The following EXOC4 variants were observed in gnomAD, a reference collection of about 807,000 sequenced individuals.
EXOC4 encodes the protein SEC8-like 1.
A neutral mutation model predicts 107.2 loss-of-function variants in EXOC4; 71 were observed. The ratio of observed to expected loss-of-function variants is 0.66; its 90% CI spans 0.55 to 0.81. EXOC4 has a LOEUF of 0.81. EXOC4 is among the 30% of genes least tolerant of loss of function. EXOC4 has a pLI of 0.00. For missense variants in EXOC4, 1,108 were observed against 1,189.6 expected, an observed-to-expected ratio of 0.93 and a Z score of 1.01; for synonymous variants, 456 against 441.2, an observed-to-expected ratio of 1.03 and a Z score of -0.42.
At chr7:133,561,991 G>T (rs528082086) in intron 9 of EXOC4, among the ~76,000 whole-genome samples, 1 of 152,150 alleles carries the variant, frequency 6.6e-6, no homozygotes, top group Admixed American at 6.5e-5. Flanking sequence ...TAATATTAGT[G>T]TTTTTGTCTT....
chr7:133,418,912 A>C (rs1797539176), intron 7 of EXOC4, among the ~76,000 whole-genome samples: 1 of 152,188 alleles, frequency 6.6e-6, no homozygotes, highest in South Asian at 2.1e-4. Context: ...AAAAATGAAA[A>C]AGTCAATGGA....
intron 9 of EXOC4, among the ~76,000 whole-genome samples, chr7:133,513,699 G>C (rs374446590): frequency 6.6e-6 from 1 of 152,148 alleles, no homozygotes; most frequent in African/African-American, 2.4e-5. Context: ...TCTTTCTTTT[G>C]GAGTTAGAAA....
chr7:133,778,738 A>G (rs1198894115), intron 10 of EXOC4, among the ~76,000 whole-genome samples: 2 of 152,262 alleles, frequency 1.3e-5, no homozygotes, highest in Admixed American at 6.5e-5. Flanking sequence ...AGAAGAAACA[A>G]TGCTCAAGCA....
At chr7:134,083,678 C>T in the EXOC4 span, among the ~76,000 whole-genome samples, 1 of 152,126 alleles carries the variant, frequency 6.6e-6, no homozygotes, top group Non-Finnish European at 1.5e-5. Context: ...TAAATGGTGA[C>T]TCAGGGCTCT....
At chr7:133,273,654 A>G (rs1237192624) in intron 1 of EXOC4, among the ~76,000 whole-genome samples, 1 of 152,184 alleles carries the variant, frequency 6.6e-6, no homozygotes, top group Non-Finnish European at 1.5e-5. Context: ...TTCCCTATAA[A>G]TTGGAAAAGA....
At chr7:133,435,685 C>T (rs752772876) in intron 7 of EXOC4, among the ~76,000 whole-genome samples, 3 of 152,052 alleles carry the variant, frequency 2.0e-5, no homozygotes, top group Non-Finnish European at 4.4e-5. Context: ...CCTAAAACAC[C>T]TTTATTGTAG....
chr7:133,832,621 A>G (rs1585184120), intron 11 of EXOC4, among the ~76,000 whole-genome samples: 1 of 152,202 alleles, frequency 6.6e-6, no homozygotes, highest in East Asian at 1.9e-4. Context: ...ATGGCTTTTC[A>G]CGACTTGATA....
intron 11 of EXOC4, among the ~76,000 whole-genome samples, chr7:133,820,520 T>G (rs1486782168): frequency 6.6e-6 from 1 of 152,202 alleles, no homozygotes; most frequent in East Asian, 1.9e-4. Flanking sequence ...GAATAAGAAA[T>G]AATTCTCAAA....
rs567078196 is a variant in EXOC4 at position 133,427,361 on chromosome 7, T to C, written c.1183-47967T>C. On this transcript the variant is annotated intron_variant, in intron 7 of 17. Transcript: ENST00000253861. ...AAGGCTCAGGCATTGACATCACCTC[T>C]ATACGTTTTCATCAACAACTCTGAC... 3.3e-5 allele frequency among the ~76,000 whole-genome samples: 5 copies of C among 152,338 alleles called. No homozygotes were observed. In the East Asian group the frequency reaches 9.6e-4, roughly 29 times the overall value.
chr7:133,426,315 C>G (rs1262649168), intron 7 of EXOC4, among the ~76,000 whole-genome samples: 2 of 152,142 alleles, frequency 1.3e-5, no homozygotes, highest in Non-Finnish European at 1.5e-5. Context: ...GCAGCTGGCT[C>G]TGAATCTGTT....
intron 13 of EXOC4, among the ~76,000 whole-genome samples, chr7:133,923,489 C>G (rs1799984503): frequency 1.3e-5 from 2 of 152,118 alleles, no homozygotes; most frequent in African/African-American, 4.8e-5. Flanking sequence ...ATTTAATATG[C>G]ATTTATCTCT....
chr7:133,299,835 C>T (rs1390516684), intron 3 of EXOC4, among the ~76,000 whole-genome samples: 4 of 152,268 alleles, frequency 2.6e-5, no homozygotes, highest in Admixed American at 1.3e-4. Flanking sequence ...TACCTAATAT[C>T]GCCTCATTTA....
At chr7:133,312,700 AT>A (rs1177506027) in intron 4 of EXOC4, among the ~76,000 whole-genome samples, 8 of 151,950 alleles carry the variant, frequency 5.3e-5, no homozygotes, top group Non-Finnish European at 1.2e-4. Flanking sequence ...ACAGACACTC[AT>A]TTTTAAATTT....
chr7:134,073,408 T>C, the EXOC4 span, among the ~76,000 whole-genome samples: 3 of 151,252 alleles, frequency 2.0e-5, no homozygotes, highest in Non-Finnish European at 4.4e-5. Context: ...AGTGTCTGCT[T>C]CCTTAAGCCT....
chr7:133,713,140 A>G (rs894749578), intron 10 of EXOC4, among the ~76,000 whole-genome samples: 3 of 152,096 alleles, frequency 2.0e-5, no homozygotes, highest in South Asian at 4.1e-4. Context: ...ATTCCTGAGG[A>G]AAAAAAATAG....
chr7:133,352,733 G>A (rs771028620), intron 5 of EXOC4, among the ~76,000 whole-genome samples: 4 of 151,592 alleles, frequency 2.6e-5, no homozygotes, highest in Non-Finnish European at 5.9e-5. Context: ...CTACATTACT[G>A]TATTATTTTG....
At chr7:133,797,684 T>A (rs1431574813) in intron 10 of EXOC4, among the ~76,000 whole-genome samples, 1 of 152,194 alleles carries the variant, frequency 6.6e-6, no homozygotes, top group Non-Finnish European at 1.5e-5. Flanking sequence ...CATTCACTGT[T>A]GATTCAGTGA....
At chr7:133,416,951 T>C (rs561765080) in intron 7 of EXOC4, among the ~76,000 whole-genome samples, 6 of 152,218 alleles carry the variant, frequency 3.9e-5, no homozygotes, top group Non-Finnish European at 7.4e-5. Flanking sequence ...TGGAGCATCT[T>C]TGGATGAGTG....
intron 7 of EXOC4, among the ~76,000 whole-genome samples, chr7:133,460,551 A>G (rs1322210225): frequency 1.3e-5 from 2 of 152,228 alleles, no homozygotes; most frequent in Non-Finnish European, 2.9e-5. Flanking sequence ...TAAGTAATGT[A>G]TAATAATCAA....
Sources: allele counts gnomAD v4.1 joint callset (sites outside exome capture counted in the v4.1 genomes callset), GRCh38; gene constraint gnomAD v4.1.1; transcripts MANE v1.5; gene names NCBI Gene and HGNC (gene_info 2026-07-23, HGNC 2026-07-21).